Variants in DMD observed in about 807,000 individuals in gnomAD.
DMD encodes mutant dystrophin.
In DMD, 63 loss-of-function variants were observed where a neutral mutation model predicts 330.1. The observed-to-expected ratio is 0.19, with a 90% CI of 0.16 to 0.24. The LOEUF is 0.24. DMD is among the 10% of genes least tolerant of loss of function. The probability of loss-of-function intolerance (pLI) is 1.00; values close to 1 mark genes in which losing one functional copy is unlikely to be tolerated. For missense variants in DMD, 3,344 were observed against 2,684.1 expected (o/e 1.25, Z -5.43); for synonymous variants, 1,223 against 959.8 (o/e 1.27, Z -5.07).
intron 11 of DMD, among the ~76,000 whole-genome samples, chrX:32,615,801 T>G (rs181822067): frequency 1.8e-5 from 2 of 111,598 alleles, no homozygotes; most frequent in Non-Finnish European, 3.8e-5. Context: ...CAGTCTCCCG[T>G]TTTATTAACA....
chrX:31,399,533 CT>C (rs1423213708), intron 60 of DMD, among the ~76,000 whole-genome samples: 2 of 110,516 alleles, frequency 1.8e-5, no homozygotes, highest in African/African-American at 6.6e-5. Context: ...TGGTTCCAGG[CT>C]TTTTGGCTTG....
chrX:32,395,201 G>T (rs2098035172), intron 30 of DMD, among the ~76,000 whole-genome samples: 1 of 111,271 alleles, frequency 9.0e-6, no homozygotes, highest in South Asian at 3.8e-4. Context: ...GAGAAAAAAA[G>T]AAATTTAATC....
chrX:31,301,696 AG>A (rs1418618171), intron 62 of DMD, among the ~76,000 whole-genome samples: 1 of 112,261 alleles, frequency 8.9e-6, no homozygotes, highest in East Asian at 2.8e-4. Flanking sequence ...ACTGCATTTT[AG>A]GGGAAGGGAA....
rs781591016 is a variant in DMD, at chrX:31,896,715, A to G, written c.6913-21342T>C. Reference sequence around the variant, plus strand: ...TATCCTAAAATAACTAATTTGGTATAGGCATTGCAAATCTCTTCTTTTACT... The same window carrying G: ...TATCCTAAAATAACTAATTTGGTATGGGCATTGCAAATCTCTTCTTTTACT... On this transcript the variant is annotated intron_variant, in intron 47 of 78. Coordinates refer to ENST00000357033, the MANE Select transcript of DMD (RefSeq NM_004006.3). Among the ~76,000 whole-genome samples the G allele has an allele frequency of 7.2e-5, 8 of 111,469 alleles. No homozygotes were observed. The South Asian group carries it at 3.0e-3, about 42-fold the overall frequency.
chrX:31,798,547 T>TAA (rs771274667), intron 50 of DMD, among the ~76,000 whole-genome samples: 3 of 86,070 alleles, frequency 3.5e-5, no homozygotes, highest in Non-Finnish European at 4.7e-5. Context: ...TGGAATGAAG[T>TAA]AAAAAAAAAA....
intron 59 of DMD, among the ~76,000 whole-genome samples, chrX:31,462,197 C>T (rs185685384): frequency 1.7e-4 from 19 of 112,040 alleles, no homozygotes; most frequent in African/African-American, 4.9e-4. Context: ...GGCACAACTC[C>T]GGCTCGGTGT....
chrX:33,230,009 A>G (rs765736199), intron 1 of DMD, among the ~76,000 whole-genome samples: 33 of 111,141 alleles, frequency 3.0e-4, no homozygotes, highest in Non-Finnish European at 5.7e-4. Context: ...ACAATGTGCT[A>G]TTGTCTGCTA....
At chrX:31,573,681 A>T (rs1376303146) in intron 55 of DMD, among the ~76,000 whole-genome samples, 1 of 111,886 alleles carries the variant, frequency 8.9e-6, no homozygotes, top group Non-Finnish European at 1.9e-5. Flanking sequence ...TTTTAGTAAG[A>T]TTACATAAAA....
chrX:31,200,532 A>T (rs1470157684), intron 67 of DMD, among the ~76,000 whole-genome samples: 3 of 112,465 alleles, frequency 2.7e-5, no homozygotes, highest in African/African-American at 9.7e-5. Context: ...GTTAGTAGCA[A>T]TGGTAACAAT....
chrX:31,211,430 T>G (rs1003615737), intron 64 of DMD, among the ~76,000 whole-genome samples: 31 of 112,461 alleles, frequency 2.8e-4, no homozygotes, highest in Non-Finnish European at 5.6e-4. Context: ...CCTTATATAC[T>G]GAAGGAAGCT....
At chrX:32,497,084 C>T (rs780527192) in intron 19 of DMD, among the ~76,000 whole-genome samples, 2 of 111,932 alleles carry the variant, frequency 1.8e-5, no homozygotes, top group African/African-American at 6.5e-5. Context: ...ATGAGCCAGA[C>T]TGACCATAAT....
intron 42 of DMD, among the ~76,000 whole-genome samples, chrX:32,306,592 C>G (rs1042236872): frequency 1.8e-5 from 2 of 111,440 alleles, no homozygotes; most frequent in Non-Finnish European, 3.8e-5. Flanking sequence ...TTTGATGAGA[C>G]AACTGAAATG....
Position 33,008,863 on chromosome X carries a change from TAC to T in DMD, c.93+11274_93+11275del, listed in dbSNP as rs1423480884. On this transcript the variant is annotated intron_variant, in intron 2 of 78. Coordinates refer to ENST00000357033, the MANE Select transcript of DMD (RefSeq NM_004006.3). ...ACACATATATGTATACGTGTATATA[TAC>T]ACATACTCATATATGTATATATACG... 3.5e-5 allele frequency among the ~76,000 whole-genome samples: 3 copies of T among 86,788 alleles called. No homozygotes were observed. The Admixed American group carries it at 3.6e-4, about 11-fold the overall frequency. 75.4% of individuals were successfully genotyped at this position (86,788 alleles called of 115,157 possible). A position where few individuals can be genotyped will look rare whatever the true frequency, so the allele number is the denominator to read the frequency against.
chrX:31,575,513 T>C (rs1382337493), intron 55 of DMD, among the ~76,000 whole-genome samples: 1 of 112,077 alleles, frequency 8.9e-6, no homozygotes, highest in Non-Finnish European at 1.9e-5. Flanking sequence ...TTCATTGTGG[T>C]GCCACCTGTT....
At chrX:31,132,151 C>T (rs969884119) in intron 77 of DMD, among the ~76,000 whole-genome samples, 1 of 112,047 alleles carries the variant, frequency 8.9e-6, no homozygotes, top group African/African-American at 3.2e-5. Context: ...GAAATTCTTC[C>T]GTAAGCACTA....
At chrX:31,444,807 G>A (rs1018300778) in intron 59 of DMD, among the ~76,000 whole-genome samples, 180 bp from the exon 60 acceptor site, 6 of 111,423 alleles carry the variant, frequency 5.4e-5, no homozygotes, top group African/African-American at 9.8e-5. Flanking sequence ...AAAAGGAAAC[G>A]AAATCAAAAC....
intron 17 of DMD, among the ~76,000 whole-genome samples, chrX:32,533,916 C>T (rs778806341): frequency 2.7e-5 from 3 of 111,291 alleles, no homozygotes; most frequent in Non-Finnish European, 3.8e-5. Flanking sequence ...ACTTCCAACC[C>T]GGGTTCCAAA....
chrX:32,633,357 C>T lies in DMD; in HGVS notation c.1331+10775G>A, dbSNP rs893362346. Among the ~76,000 whole-genome samples, 5 of 111,792 alleles carry T rather than the reference C, an allele frequency of 4.5e-5. No individual in the cohort carries two copies. In the East Asian group the frequency reaches 1.4e-3, roughly 32 times the overall value. On this transcript the variant is annotated intron_variant, in intron 11 of 78. Transcript: ENST00000357033. ...ACAAACATGTCATTTACTCCAGTTG[C>T]CAATAAGTTCATTCTTTCCATCTGA...
chrX:31,954,790 C>T lies in DMD; in HGVS notation c.6614+13549G>A, dbSNP rs188770967. Among the ~76,000 whole-genome samples, 170 of 110,059 alleles carry T rather than the reference C, an allele frequency of 1.5e-3. 1 individual carries two copies. The highest frequency in any genetic ancestry group is 5.4e-3 in the African/African-American group (163 of 30,241). On this transcript the variant is annotated intron_variant, in intron 45 of 78. Coordinates refer to ENST00000357033, the MANE Select transcript of DMD (RefSeq NM_004006.3). ...AAAATAACATAAATTTACTTATTAC[C>T]ACTGAACTGTATACTTAAAAATGGT...
Sources: allele counts gnomAD v4.1 joint callset (sites outside exome capture counted in the v4.1 genomes callset), GRCh38; gene constraint gnomAD v4.1.1; transcripts MANE v1.5; gene names NCBI Gene and HGNC (gene_info 2026-07-23, HGNC 2026-07-21).